CFAP299: variants seen among roughly 807,000 people sequenced by gnomAD.
CFAP299 encodes the protein cilia and flagella associated protein 299.
In CFAP299, 21 loss-of-function variants were observed where a neutral mutation model predicts 27.0. The observed-to-expected ratio is 0.78, with a 90% CI of 0.55 to 1.12. The LOEUF (loss-of-function observed/expected upper bound fraction) is 1.12. Ranked by LOEUF, CFAP299 falls within the 50% of genes most tolerant of loss-of-function variation. The probability of loss-of-function intolerance (pLI) is 0.00; values close to 1 mark genes in which losing one functional copy is unlikely to be tolerated. For missense variants in CFAP299, 310 were observed against 276.6 expected, an observed-to-expected ratio of 1.12 and a Z score of -0.86; for synonymous variants, 104 against 98.1, an observed-to-expected ratio of 1.06 and a Z score of -0.36.
intron 3 of CFAP299, among the ~76,000 whole-genome samples, chr4:80,758,826 T>A (rs1725397529): frequency 6.6e-6 from 1 of 152,106 alleles, no homozygotes; most frequent in Admixed American, 6.5e-5. Flanking sequence ...ATATTATATA[T>A]CAAAGATGAC....
At chr4:80,867,547 G>C (rs1427675801) in intron 3 of CFAP299, among the ~76,000 whole-genome samples, 1 of 152,192 alleles carries the variant, frequency 6.6e-6, no homozygotes, top group East Asian at 1.9e-4. Flanking sequence ...TCACAGTTCT[G>C]GAAGTTGGAA....
chr4:80,641,097 AT>A (rs1315138962), intron 3 of CFAP299, among the ~76,000 whole-genome samples: 2 of 152,206 alleles, frequency 1.3e-5, no homozygotes, highest in Non-Finnish European at 2.9e-5. Context: ...ATCAAAGCAT[AT>A]TTTAACTGAA....
At chr4:80,688,851 A>T (rs1467990964) in intron 3 of CFAP299, among the ~76,000 whole-genome samples, 1 of 151,922 alleles carries the variant, frequency 6.6e-6, no homozygotes, top group Non-Finnish European at 1.5e-5. Flanking sequence ...TGCTTAAAGG[A>T]GCTGATGGAG....
intron 2 of CFAP299, chr4:80,386,367 G>T (rs1724992624): frequency 2.0e-6 from 3 of 1,474,964 alleles, no homozygotes; most frequent in Admixed American, 1.9e-5. Context: ...TGCGAAGGGC[G>T]GCTTGCCCGG....
At chr4:80,682,784 C>A (rs1034841074) in intron 3 of CFAP299, among the ~76,000 whole-genome samples, 31 of 152,104 alleles carry the variant, frequency 2.0e-4, no homozygotes, top group African/African-American at 7.2e-4. Context: ...CATTCTCACC[C>A]ATTAGGCCTC....
At chr4:80,447,120 T>TTTG (rs1560571547) in intron 2 of CFAP299, among the ~76,000 whole-genome samples, 1 of 20,094 alleles carries the variant, frequency 5.0e-5, no homozygotes, top group African/African-American at 1.2e-4. Flanking sequence ...TTTTTATTTG[T>TTTG]TTTTTTTTTG....
intron 5 of CFAP299, among the ~76,000 whole-genome samples, chr4:80,949,439 T>C (rs1737649421): frequency 6.6e-6 from 1 of 151,342 alleles, no homozygotes; most frequent in South Asian, 2.1e-4. Flanking sequence ...TAATGTTAAG[T>C]GATAATGGAG....
intron 2 of CFAP299, among the ~76,000 whole-genome samples, chr4:80,445,513 G>A (rs141211276): frequency 6.6e-6 from 1 of 152,168 alleles, no homozygotes; most frequent in African/African-American, 2.4e-5. Flanking sequence ...GTCATACACC[G>A]AGGCCTGTCA....
chr4:80,351,681 G>C (rs925198837), intron 1 of CFAP299, among the ~76,000 whole-genome samples: 3 of 151,570 alleles, frequency 2.0e-5, no homozygotes, highest in Non-Finnish European at 4.4e-5. Flanking sequence ...GGTCAGAATA[G>C]ATAAAAGTTC....
Position 80,945,029 on chromosome 4 carries a change from T to C in CFAP299, c.606+90T>C, listed in dbSNP as rs1276341373. On this transcript the variant is annotated intron_variant, in intron 5 of 5. Transcript: ENST00000358105. Reference sequence around the variant, plus strand: ...AAAAAATCTGTTAAATATTTGACACTCTTAAGTTGTTAAATTTAGAAAGGA... The same window carrying C: ...AAAAAATCTGTTAAATATTTGACACCCTTAAGTTGTTAAATTTAGAAAGGA... 7 of 1,229,350 alleles carry C rather than the reference T, an allele frequency of 5.7e-6. No individual in the cohort carries two copies. In the Admixed American group the frequency reaches 1.5e-4, roughly 27 times the overall value. 76.2% of individuals were successfully genotyped at this position (1,229,350 alleles called of 1,614,324 possible).
intron 2 of CFAP299, among the ~76,000 whole-genome samples, chr4:80,465,157 A>C (rs1297247639): frequency 6.6e-6 from 1 of 152,136 alleles, no homozygotes; most frequent in Non-Finnish European, 1.5e-5. Context: ...TTTTCATTGT[A>C]TGTATTCAAC....
intron 1 of CFAP299, among the ~76,000 whole-genome samples, chr4:80,355,457 G>A (rs780586184): frequency 1.4e-5 from 2 of 145,794 alleles, no homozygotes; most frequent in Non-Finnish European, 3.0e-5. Context: ...TCCCGGGTTC[G>A]AGCAATTCTC....
At chr4:80,605,485 C>T (rs771058074) in intron 3 of CFAP299, among the ~76,000 whole-genome samples, 6 of 152,108 alleles carry the variant, frequency 3.9e-5, no homozygotes, top group Non-Finnish European at 8.8e-5. Context: ...GAGGAAATGG[C>T]ATTACAAAAT....
intron 2 of CFAP299, among the ~76,000 whole-genome samples, chr4:80,389,130 A>G (rs979419199): frequency 2.6e-5 from 4 of 152,146 alleles, no homozygotes; most frequent in Non-Finnish European, 5.9e-5. Flanking sequence ...TCCTCCTTTT[A>G]TGCCTGGGAT....
intron 2 of CFAP299, among the ~76,000 whole-genome samples, chr4:80,367,964 CTGAGTCATCCCTCAGGCTGGATACT>C (rs1455251088): frequency 6.6e-6 from 1 of 152,198 alleles, no homozygotes; most frequent in Admixed American, 6.5e-5. Flanking sequence ...GTAGTTACAA[CTGAGTCATCCCTCAGGCTGGATACT>C]TGCCTGGATG....
intron 3 of CFAP299, among the ~76,000 whole-genome samples, chr4:80,628,795 G>C (rs1056509209): frequency 1.3e-5 from 2 of 152,136 alleles, no homozygotes; most frequent in African/African-American, 4.8e-5. Context: ...AGAGCAGCTA[G>C]AATGCGTATC....
At chr4:80,394,100 T>C (rs888064558) in intron 2 of CFAP299, among the ~76,000 whole-genome samples, 2 of 152,178 alleles carry the variant, frequency 1.3e-5, no homozygotes, top group African/African-American at 4.8e-5. Flanking sequence ...CTTATTCACC[T>C]TCCTCCATGA....
chr4:80,706,614 A>C (rs1395954402), intron 3 of CFAP299, among the ~76,000 whole-genome samples: 1 of 151,904 alleles, frequency 6.6e-6, no homozygotes, highest in Non-Finnish European at 1.5e-5. Context: ...CTTCCTACTG[A>C]GAGACAAAAA....
intron 3 of CFAP299, among the ~76,000 whole-genome samples, chr4:80,757,887 AAC>A (rs1560736364): frequency 6.6e-6 from 1 of 152,070 alleles, no homozygotes; most frequent in East Asian, 1.9e-4. Context: ...CACTCACTGG[AAC>A]CTGCTGTGTT....
Sources: allele counts gnomAD v4.1 joint callset (sites outside exome capture counted in the v4.1 genomes callset), GRCh38; gene constraint gnomAD v4.1.1; transcripts MANE v1.5; gene names NCBI Gene and HGNC (gene_info 2026-07-23, HGNC 2026-07-21).